FAM227A: variants seen among roughly 807,000 people sequenced by gnomAD.
FAM227A encodes the protein family with sequence similarity 227 member A, also known as protein FAM227A.
FAM227A carries 80 observed loss-of-function variants against 74.7 expected under a neutral mutation model. The observed-to-expected ratio is 1.07, with a 90% CI of 0.89 to 1.29. The LOEUF (loss-of-function observed/expected upper bound fraction) is 1.29. FAM227A is among the 50% of genes most tolerant of loss of function. The pLI is 0.00. For missense variants in FAM227A, 654 were observed against 683.4 expected, an observed-to-expected ratio of 0.96 and a Z score of 0.48; for synonymous variants, 237 against 241.8, an observed-to-expected ratio of 0.98 and a Z score of 0.19.
chr22:38,584,148 T>C lies in FAM227A; in HGVS notation c.*1977A>G, dbSNP rs1208416924. 6 of 152,260 alleles carry C rather than the reference T, an allele frequency of 3.9e-5. No individual in the cohort carries two copies. The highest frequency in any genetic ancestry group is 1.4e-4 in the African/African-American group (6 of 41,446). The allele number at this position is 152,260 out of a possible 1,614,324, so 9.4% of individuals were successfully genotyped here. On this transcript the variant is annotated 3_prime_UTR_variant, in exon 17 of 17. Coordinates refer to ENST00000535113, the MANE Select transcript of FAM227A (RefSeq NM_001013647.2). ...TTCCACGCAGCTTTCTATCGGAGCA[T>C]TAATGCATTTATTGGTTTACACATC...
At position 38,607,447 on chromosome 22, in the gene FAM227A, T is replaced by A. The variant is rs1031704906; in HGVS notation, c.1068A>T (p.Lys356Asn). ...QSSSANSPSEKTSSAKQNSEK... is the reference protein window; with the variant it reads ...QSSSANSPSENTSSAKQNSEK... Reference sequence around the variant, plus strand: ...CTGAGTTCTGCTTGGCCGAAGAGGTTTTTTCACTGGGTGAATTTGCACTAG... The same window carrying A: ...CTGAGTTCTGCTTGGCCGAAGAGGTATTTTCACTGGGTGAATTTGCACTAG... Residue 356 changes from lysine to asparagine, a missense_variant, in exon 12 of 17, where the codon AAA becomes AAT. Lys to Asn is a moderately conservative substitution (Grantham distance 94). Coordinates refer to ENST00000535113, the MANE Select transcript of FAM227A (RefSeq NM_001013647.2). 9.0e-6 allele frequency: 14 copies of A among 1,551,278 alleles called. No individual in the cohort carries two copies. The African/African-American group carries it at 1.8e-4, about 20-fold the overall frequency.
intron 5 of FAM227A, among the ~76,000 whole-genome samples, chr22:38,638,184 A>C (rs1361474378): frequency 1.3e-5 from 2 of 152,078 alleles, no homozygotes; most frequent in African/African-American, 4.8e-5. Context: ...AAAAGAAATA[A>C]AGAACAAGCC....
At chr22:38,600,590 G>C (rs377137532) in intron 13 of FAM227A, among the ~76,000 whole-genome samples, 1 of 151,768 alleles carries the variant, frequency 6.6e-6, no homozygotes, top group Non-Finnish European at 1.5e-5. Flanking sequence ...TGCCCGCCTT[G>C]GCCTCCCAAA....
chr22:38,649,334 G>A (rs2145737863), intron 2 of FAM227A, among the ~76,000 whole-genome samples: 1 of 152,252 alleles, frequency 6.6e-6, no homozygotes. Flanking sequence ...GGAGGTCAAG[G>A]CGGGCAGATC....
chr22:38,649,968 G>A (rs2092300489), intron 2 of FAM227A, 59 bp downstream of exon 2: 1 of 1,490,016 alleles, frequency 6.7e-7, no homozygotes, highest in Non-Finnish European at 9.2e-7. Flanking sequence ...AGATCTCTGT[G>A]GCATGACTCA....
chr22:38,648,011 G>C (rs2092268194), intron 2 of FAM227A, among the ~76,000 whole-genome samples: 2 of 152,172 alleles, frequency 1.3e-5, no homozygotes, highest in African/African-American at 4.8e-5. Context: ...GGGCAGAGTG[G>C]TACATGCAGC....
At chr22:38,622,678 C>G (rs1336433851) in intron 10 of FAM227A, among the ~76,000 whole-genome samples, 1 of 151,958 alleles carries the variant, frequency 6.6e-6, no homozygotes, top group African/African-American at 2.4e-5. Flanking sequence ...GAGTTCAAGA[C>G]CAGCCTGGCC....
In FAM227A at chr22:38,623,212, G is replaced by A; in HGVS notation, c.918C>T (p.Arg306=). The A allele has an allele frequency of 6.4e-7, 1 of 1,551,614 alleles. No individual in the cohort carries two copies. The highest frequency in any genetic ancestry group is 2.4e-5 in the East Asian group (1 of 40,918). The change falls in exon 10 of 17, where the codon CGC becomes CGT. Residue 306 remains arginine, a synonymous_variant. Coordinates refer to ENST00000535113, the MANE Select transcript of FAM227A (RefSeq NM_001013647.2). Reference sequence around the variant, plus strand: ...TTCTGTACAACATTAATTCTTCTCTGCGGAATCGCTCTGGGTCTAGTTCCG... The same window carrying A: ...TTCTGTACAACATTAATTCTTCTCTACGGAATCGCTCTGGGTCTAGTTCCG... ...DYSELDPERF[R]REELMLYRRR...
At chr22:38,633,513 A>G (rs1211001150) in intron 6 of FAM227A, among the ~76,000 whole-genome samples, 1 of 152,184 alleles carries the variant, frequency 6.6e-6, no homozygotes, top group East Asian at 1.9e-4. Flanking sequence ...ATTTGAAAAT[A>G]GAAGAAGTAA....
At chr22:38,641,551 C>CA (rs34059145) in intron 3 of FAM227A, among the ~76,000 whole-genome samples, 310 of 109,090 alleles carry the variant, frequency 2.8e-3, no homozygotes, top group Middle Eastern at 9.2e-3. Context: ...AACTCCATCT[C>CA]AAAAAAAAAA....
intron 9 of FAM227A, among the ~76,000 whole-genome samples, chr22:38,623,965 G>C (rs1414381734): frequency 6.6e-6 from 1 of 152,188 alleles, no homozygotes; most frequent in Non-Finnish European, 1.5e-5. Context: ...TGGACAGGGG[G>C]TTTATTACTG....
rs144391306 is a variant in FAM227A at position 38,648,700 on chromosome 22, C to T, written c.142+1327G>A. On this transcript the variant is annotated intron_variant, in intron 2 of 16. Transcript: ENST00000535113. Reference sequence around the variant, plus strand: ...TTAAAAATGGGCTAAAGGTTGGGTGCGGTGGCTCACGCCTGTAATCCCAGC... The same window carrying T: ...TTAAAAATGGGCTAAAGGTTGGGTGTGGTGGCTCACGCCTGTAATCCCAGC... Among the ~76,000 whole-genome samples, 21 of 150,478 alleles carry T rather than the reference C, an allele frequency of 1.4e-4. No homozygotes were observed. The South Asian group carries it at 2.1e-3, about 15-fold the overall frequency.
intron 11 of FAM227A, among the ~76,000 whole-genome samples, chr22:38,613,424 T>TATATAATATATATTATATATTATACA (rs71197123): frequency 1.8e-5 from 2 of 113,522 alleles, no homozygotes; most frequent in Non-Finnish European, 3.4e-5. Flanking sequence ...ATATATATAA[T>TATATAATATATATTATATATTATACA]TTGTTTGTTT....
At chr22:38,632,644 G>C (rs952115626) in intron 6 of FAM227A, among the ~76,000 whole-genome samples, 1 of 152,136 alleles carries the variant, frequency 6.6e-6, no homozygotes, top group Non-Finnish European at 1.5e-5. Flanking sequence ...AGAGAGAGAC[G>C]ACAGAGAGTA....
At chr22:38,592,651 A>AAT (rs1443581906) in intron 15 of FAM227A, among the ~76,000 whole-genome samples, 3 of 152,218 alleles carry the variant, frequency 2.0e-5, no homozygotes, top group Non-Finnish European at 4.4e-5. Context: ...CTAGTGGAAC[A>AAT]ATATGATAAA....
At position 38,619,398 on chromosome 22, in the gene FAM227A, T is replaced by C. The variant is rs2146349356; in HGVS notation, c.1038+814A>G. ...CAGTGCAGTGGTGTGATCTCAGCTC[T>C]CTGCAACCTCTGCCTCCCGGGTTCA... On this transcript the variant is annotated intron_variant, in intron 11 of 16. Coordinates refer to ENST00000535113, the MANE Select transcript of FAM227A (RefSeq NM_001013647.2). Among the ~76,000 whole-genome samples the C allele has an allele frequency of 2.0e-5, 3 of 152,260 alleles. No individual in the cohort carries two copies. The South Asian group carries it at 6.2e-4, about 32-fold the overall frequency.
In FAM227A at chr22:38,586,113, T is replaced by C. The variant is rs763706317; in HGVS notation, c.*12A>G. On this transcript the variant is annotated 3_prime_UTR_variant, in exon 17 of 17. Transcript: ENST00000535113. ...TCTGTAGGCGCTTCCTGGTTCTAGGTTGTGGAGCTCCTCAGGGCTTGGAAG... is the reference window on the plus strand; with the variant it reads ...TCTGTAGGCGCTTCCTGGTTCTAGGCTGTGGAGCTCCTCAGGGCTTGGAAG... 1.3e-6 allele frequency: 2 copies of C among 1,552,074 alleles called. No individual in the cohort carries two copies. Among genetic ancestry groups the C allele is most frequent in the South Asian group, 2.4e-5 (2 of 84,054 alleles).
intron 9 of FAM227A, among the ~76,000 whole-genome samples, chr22:38,624,557 G>A (rs909149979): frequency 1.3e-5 from 2 of 152,300 alleles, no homozygotes; most frequent in South Asian, 4.1e-4. Context: ...GAAGAAGAAT[G>A]GCTCGTTGTG....
At chr22:38,630,969 A>G (rs1346320476) in intron 6 of FAM227A, among the ~76,000 whole-genome samples, 4 of 152,190 alleles carry the variant, frequency 2.6e-5, no homozygotes, top group South Asian at 4.1e-4. Flanking sequence ...GGAGTTCGAG[A>G]CCAGTCTGGC....
Sources: gnomAD v4.1 joint callset for allele counts (sites outside exome capture counted in the v4.1 genomes callset) on GRCh38, gnomAD v4.1.1 for gene constraint, MANE v1.5 for transcripts, NCBI Gene and HGNC (gene_info 2026-07-23, HGNC 2026-07-21) for gene names.